The following ARFIP1 variants were observed in gnomAD, a reference collection of about 807,000 sequenced individuals.
The protein encoded by ARFIP1 is ARF interacting protein 1, also known as arfaptin-1.
In ARFIP1, 24 loss-of-function variants were observed where a neutral mutation model predicts 42.5. The observed-to-expected ratio is 0.57, with a 90% confidence interval of 0.41 to 0.80. The LOEUF is 0.80. ARFIP1 is among the 30% of genes least tolerant of loss of function. The pLI is 0.00. For synonymous variants in ARFIP1, 141 were observed against 153.7 expected, an observed-to-expected ratio of 0.92 and a Z score of 0.61; for missense variants, 354 against 434.0, an observed-to-expected ratio of 0.82 and a Z score of 1.64.
At chr4:152,824,949 T>TATATACACACACGCACACC (rs1345779920) in intron 1 of ARFIP1, among the ~76,000 whole-genome samples, 6 of 151,256 alleles carry the variant, frequency 4.0e-5, no homozygotes, top group Non-Finnish European at 5.9e-5. Flanking sequence ...AATTGATATA[T>TATATACACACACGCACACC]ATATACACAC....
intron 1 of ARFIP1, among the ~76,000 whole-genome samples, chr4:152,822,298 A>C (rs1730447785): frequency 2.3e-5 from 2 of 85,804 alleles, no homozygotes; most frequent in East Asian, 5.9e-4. Flanking sequence ...AACAGCAGTA[A>C]AAAAAAAAAA....
intron 1 of ARFIP1, among the ~76,000 whole-genome samples, chr4:152,791,145 TAA>T: frequency 6.6e-6 from 1 of 152,364 alleles, no homozygotes; most frequent in Middle Eastern, 3.4e-3. Context: ...GTTGTTAATA[TAA>T]AGACAGAAGA....
In ARFIP1 at chr4:152,872,371, A is replaced by G. The variant is rs149755723; in HGVS notation, c.299-81A>G. On this transcript the variant is annotated intron_variant, in intron 4 of 8. Coordinates refer to ENST00000353617, the MANE Select transcript of ARFIP1 (RefSeq NM_001025595.3). Reference sequence around the variant, plus strand: ...TTTTTTTAGATGCATAAGAATTTCAATTTGAACAATATCAGGGTTTTGTTT... The same window carrying G: ...TTTTTTTAGATGCATAAGAATTTCAGTTTGAACAATATCAGGGTTTTGTTT... 702 of 913,736 alleles carry G rather than the reference A, an allele frequency of 7.7e-4. 4 individuals are homozygous for G. The African/African-American group carries it at 0.011, about 14-fold the overall frequency. 56.6% of individuals were successfully genotyped at this position (913,736 alleles called of 1,614,324 possible). A position where few individuals can be genotyped will look rare whatever the true frequency, so the allele number is the denominator to read the frequency against.
intron 1 of ARFIP1, among the ~76,000 whole-genome samples, chr4:152,780,488 G>A (rs10028182): frequency 0.15 from 22,647 of 152,238 alleles, 1,875 homozygotes; most frequent in African/African-American, 0.23. Flanking sequence ...TCTTGGCTTT[G>A]CATACATTGG....
intron 1 of ARFIP1, among the ~76,000 whole-genome samples, chr4:152,783,764 G>T (rs1730637704): frequency 6.6e-6 from 1 of 152,114 alleles, no homozygotes; most frequent in African/African-American, 2.4e-5. Context: ...ATACTGAGAA[G>T]TTTGACAAAA....
intron 8 of ARFIP1, among the ~76,000 whole-genome samples, chr4:152,901,888 T>C (rs1737867749): frequency 6.6e-6 from 1 of 152,228 alleles, no homozygotes; most frequent in Non-Finnish European, 1.5e-5. Context: ...CAAGGATGTT[T>C]TAATACAACT....
intron 8 of ARFIP1, among the ~76,000 whole-genome samples, chr4:152,906,216 C>T (rs1049342109): frequency 2.0e-5 from 3 of 152,110 alleles, no homozygotes; most frequent in Admixed American, 6.5e-5. Flanking sequence ...CTCTCTTAGG[C>T]GCTTATCTAG....
chr4:152,885,010 C>T (rs1399605671), intron 7 of ARFIP1, among the ~76,000 whole-genome samples: 4 of 151,916 alleles, frequency 2.6e-5, no homozygotes, highest in African/African-American at 7.2e-5. Flanking sequence ...TATGTCATCC[C>T]GTAATTTATC....
At chr4:152,857,425 C>T (rs898789417) in intron 2 of ARFIP1, among the ~76,000 whole-genome samples, 13 of 152,106 alleles carry the variant, frequency 8.5e-5, no homozygotes, top group Non-Finnish European at 1.3e-4. Flanking sequence ...CAGTTAATAT[C>T]GTTTCTGGAG....
In ARFIP1 at chr4:152,888,134, A is replaced by T. The variant is rs1736415382; in HGVS notation, c.793A>T (p.Ile265Phe). The change falls in exon 8 of 9, where the codon ATT (isoleucine) becomes TTT (phenylalanine). Residue 265 changes from isoleucine to phenylalanine, a missense_variant and splice_region_variant. Transcript: ENST00000353617. Reference protein sequence around the residue: ...MTVKQYESARIEYDAYRTDLE... With the variant: ...MTVKQYESARFEYDAYRTDLE... ...CTTCACTTACTCTCTTCTTTCCAGG[A>T]TTGAATATGATGCATATCGCACTGA... 6.3e-7 allele frequency: 1 copy of T among 1,595,362 alleles called. No homozygotes were observed. Among genetic ancestry groups the T allele is most frequent in the African/African-American group, 1.4e-5 (1 of 74,006 alleles).
At chr4:152,843,214 G>A (rs546131692) in intron 2 of ARFIP1, among the ~76,000 whole-genome samples, 1 of 152,296 alleles carries the variant, frequency 6.6e-6, no homozygotes, top group Non-Finnish European at 1.5e-5. Flanking sequence ...CCCAGAGAGT[G>A]TATCTGGCTC....
At chr4:152,805,714 C>T (rs1728945821) in intron 1 of ARFIP1, among the ~76,000 whole-genome samples, 1 of 152,192 alleles carries the variant, frequency 6.6e-6, no homozygotes, top group African/African-American at 2.4e-5. Context: ...ATGTCAAGCG[C>T]TCTTCTAAAT....
intron 8 of ARFIP1, among the ~76,000 whole-genome samples, chr4:152,896,760 AAGTT>A (rs1393264227): frequency 6.6e-6 from 1 of 152,166 alleles, no homozygotes; most frequent in Non-Finnish European, 1.5e-5. Flanking sequence ...AAAAAAAAAA[AAGTT>A]AGCTAGAAAA....
At chr4:152,839,049 T>C (rs184859786) in intron 2 of ARFIP1, among the ~76,000 whole-genome samples, 18 of 152,320 alleles carry the variant, frequency 1.2e-4, no homozygotes, top group African/African-American at 3.6e-4. Context: ...TGTTTAACTT[T>C]TGTTTTTAAT....
At chr4:152,793,084 CAAA>C (rs1489877192) in intron 1 of ARFIP1, among the ~76,000 whole-genome samples, 2 of 151,926 alleles carry the variant, frequency 1.3e-5, no homozygotes, top group Non-Finnish European at 2.9e-5. Flanking sequence ...AGACAGCTTT[CAAA>C]GATAACTGAA....
chr4:152,894,815 A>AG (rs1441278506), intron 8 of ARFIP1, among the ~76,000 whole-genome samples: 5 of 152,198 alleles, frequency 3.3e-5, no homozygotes, highest in African/African-American at 9.7e-5. Context: ...GGTGCTCTCA[A>AG]GGGAAGGTAC....
chr4:152,828,242 T>G (rs1730989301), intron 1 of ARFIP1, among the ~76,000 whole-genome samples: 1 of 152,214 alleles, frequency 6.6e-6, no homozygotes, highest in Non-Finnish European at 1.5e-5. Context: ...ACACAATTGC[T>G]GAATCATATG....
intron 1 of ARFIP1, among the ~76,000 whole-genome samples, chr4:152,794,604 G>A (rs747717361): frequency 6.6e-6 from 1 of 151,064 alleles, no homozygotes; most frequent in Non-Finnish European, 1.5e-5. Flanking sequence ...CGTGGAGACT[G>A]TGTAAATCCT....
intron 1 of ARFIP1, 79 bp from the exon 2 acceptor site, chr4:152,829,546 C>T: frequency 3.6e-6 from 3 of 831,938 alleles, no homozygotes; most frequent in Non-Finnish European, 3.7e-6. Context: ...AAAACGGTGG[C>T]TTGTAAGTAC....
Sources: gnomAD v4.1 joint callset for allele counts (sites outside exome capture counted in the v4.1 genomes callset) on GRCh38, gnomAD v4.1.1 for gene constraint, MANE v1.5 for transcripts, NCBI Gene and HGNC (gene_info 2026-07-23, HGNC 2026-07-21) for gene names.